KEL: variants seen among roughly 807,000 people sequenced by gnomAD.
KEL encodes Kell metallo-endopeptidase (Kell blood group).
In KEL, 96 loss-of-function variants were observed where a neutral mutation model predicts 99.5. That is an observed-to-expected ratio of 0.97 (90% CI 0.82 to 1.14). The LOEUF (loss-of-function observed/expected upper bound fraction) is 1.14. Ranked by LOEUF, KEL falls within the 50% of genes most tolerant of loss-of-function variation. The pLI, the probability that KEL is intolerant of heterozygous loss-of-function variation, is 0.00. For synonymous variants in KEL, 355 were observed against 354.8 expected, an observed-to-expected ratio of 1.00 and a Z score of -0.01; for missense variants, 926 against 924.2, an observed-to-expected ratio of 1.00 and a Z score of -0.03.
intron 6 of KEL, among the ~76,000 whole-genome samples, chr7:142,956,759 G>A (rs749522673): frequency 3.3e-5 from 5 of 152,056 alleles, no homozygotes; most frequent in Admixed American, 6.5e-5. Flanking sequence ...GATCTTAACC[G>A]GCCCCTAAAG....
At chr7:142,943,184 CTCAAATAACCTCCCTT>C in intron 16 of KEL, 76 bp downstream of exon 16, 1 of 1,558,520 alleles carries the variant, frequency 6.4e-7, no homozygotes, top group East Asian at 2.3e-5. Context: ...ACCTCAAACC[CTCAAATAACCTCCCTT>C]TCCCCTCCAG....
chr7:142,961,076 A>G lies in KEL; in HGVS notation c.252T>C (p.Asp84=). 6.2e-7 allele frequency: 1 copy of G among 1,614,098 alleles called. No homozygotes were observed. The highest frequency in any genetic ancestry group is 8.5e-7 in the Non-Finnish European group (1 of 1,180,050). The change falls in exon 4 of 19, where the codon GAT becomes GAC. Residue 84 remains aspartate, a synonymous_variant. Transcript: ENST00000355265. The stretch of plus-strand genomic sequence containing the variant: ...CAGAGGCCAGGTAATGATCCCGGAG[A>G]TCCAAACACACAGATGTCTCACAGG... ...PRPCETSVCL[D]LRDHYLASGN...
chr7:142,962,310 T>C lies in KEL; in HGVS notation c.-104A>G. The C allele has an allele frequency of 7.6e-7, 1 of 1,317,916 alleles. No individual in the cohort carries two copies. The highest frequency in any genetic ancestry group is 1.1e-6 in the Non-Finnish European group (1 of 911,342). 81.6% of individuals were successfully genotyped at this position (1,317,916 alleles called of 1,614,324 possible). ...ACCCCCCGCCCCAGTTCCTTGATCC[T>C]GGAGAAGGGGCACTTCTGCTGCTCT... On this transcript the variant is annotated 5_prime_UTR_variant, in exon 1 of 19. Coordinates refer to ENST00000355265, the MANE Select transcript of KEL (RefSeq NM_000420.3).
intron 10 of KEL, chr7:142,946,663 G>C: frequency 2.8e-6 from 1 of 359,118 alleles, no homozygotes; most frequent in South Asian, 3.4e-5. Flanking sequence ...TGTTCCCCCT[G>C]TTCCCCCACC....
chr7:142,949,735 C>CT (rs8176007), intron 10 of KEL, among the ~76,000 whole-genome samples: 7,002 of 152,238 alleles, frequency 0.046, 314 homozygotes, highest in African/African-American at 0.12. Context: ...TAACAGTAGT[C>CT]TGGACGAAGA....
At chr7:142,949,677 T>C (rs1796626012) in intron 10 of KEL, among the ~76,000 whole-genome samples, 1 of 152,236 alleles carries the variant, frequency 6.6e-6, no homozygotes, top group African/African-American at 2.4e-5. Context: ...TAAATCCATA[T>C]CTAGGTCTTC....
At chr7:142,961,559 G>A (rs1796960647) in intron 2 of KEL, 58 bp from the exon 3 acceptor site, 3 of 1,531,782 alleles carry the variant, frequency 2.0e-6, no homozygotes, top group South Asian at 1.2e-5. Flanking sequence ...ACAGGGATGG[G>A]AAGAAGAGGA....
chr7:142,958,053 T>C (rs1313949768), intron 5 of KEL, 80 bp from the exon 6 acceptor site: 3 of 1,528,452 alleles, frequency 2.0e-6, no homozygotes, highest in Non-Finnish European at 2.7e-6. Flanking sequence ...CTTACACAGC[T>C]GCTACTGCCT....
chr7:142,961,598 C>T, intron 2 of KEL, 97 bp from the exon 3 acceptor site: 1 of 1,418,084 alleles, frequency 7.1e-7, no homozygotes, highest in South Asian at 1.2e-5. Context: ...GTGCTACAGT[C>T]CCTTTATACA....
At position 142,962,245 on chromosome 7, in the gene KEL, C is replaced by T; in HGVS notation, c.-39G>A. 5 of 1,613,868 alleles carry T rather than the reference C, an allele frequency of 3.1e-6. No homozygotes were observed. The African/African-American group carries it at 4.0e-5, about 13-fold the overall frequency. ...GTGGCTCCAGAATCCTTCCTGGTTC[C>T]ACTCTAGGAGCTGATTCGGAGGACT... On this transcript the variant is annotated 5_prime_UTR_variant, in exon 1 of 19. Coordinates refer to ENST00000355265, the MANE Select transcript of KEL (RefSeq NM_000420.3).
chr7:142,954,444 T>A, intron 7 of KEL, 21 bp downstream of exon 7: 1 of 1,612,136 alleles, frequency 6.2e-7, no homozygotes, highest in Non-Finnish European at 8.5e-7. Context: ...GGGCAGGGCC[T>A]TTGTCCATGT....
At chr7:142,959,630 G>A (rs1322704204) in intron 4 of KEL, among the ~76,000 whole-genome samples, 2 of 152,050 alleles carry the variant, frequency 1.3e-5, no homozygotes, top group Non-Finnish European at 2.9e-5. Context: ...AGAAACAGGG[G>A]AAGACTCTTC....
At position 142,957,956 on chromosome 7, in the gene KEL, G is replaced by T. The variant is rs1341559834; in HGVS notation, c.543C>A (p.Ile181=). ...QVIEELGGWR[I]SGKWTSLNFN... is the part of the protein sequence containing the mutation. ...AGTTTAAGGAAGTCCATTTACCAGA[G>T]ATGCGCCAGCCTCCAAGCTTTAAAG... Residue 181 remains isoleucine (I), a synonymous_variant, in exon 6 of 19, where the codon ATC becomes ATA. Coordinates refer to ENST00000355265, the MANE Select transcript of KEL (RefSeq NM_000420.3). 6.2e-7 allele frequency: 1 copy of T among 1,614,106 alleles called. No individual in the cohort carries two copies. Among genetic ancestry groups the T allele is most frequent in the South Asian group, 1.1e-5 (1 of 91,068 alleles).
Position 142,943,041 on chromosome 7 carries a change from A to G in KEL, c.1775T>C (p.Leu592Pro). The change falls in exon 17 of 19, where the codon CTG becomes CCG. Residue 592 changes from leucine to proline, a missense_variant. Leu to Pro is a moderately conservative substitution (Grantham distance 98). Coordinates refer to ENST00000355265, the MANE Select transcript of KEL (RefSeq NM_000420.3). ...GTCACAGGCGAGGCAGCCCCCAGGC[A>G]GTACTGTTGAAAATGGGACAAGAGA... is the stretch of plus-strand genomic sequence containing the variant. ...ELLHIFYQLL[L>P]PGGCLACDNH... The G allele has an allele frequency of 6.2e-7, 1 of 1,614,016 alleles. No individual in the cohort carries two copies.
In KEL at chr7:142,961,063, A is replaced by C. The variant is rs771708470; in HGVS notation, c.265T>G (p.Tyr89Asp). ...ACACTTGTGTTCCCAGAGGCCAGGTAATGATCCCGGAGATCCAAACACACA... is the reference window on the plus strand; with the variant it reads ...ACACTTGTGTTCCCAGAGGCCAGGTCATGATCCCGGAGATCCAAACACACA... Reference protein sequence around the residue: ...TSVCLDLRDHYLASGNTSVAP... With the variant: ...TSVCLDLRDHDLASGNTSVAP... Residue 89 changes from tyrosine (Y) to aspartate (D), a missense_variant, in exon 4 of 19, where the codon TAC becomes GAC. Transcript: ENST00000355265. 1.2e-6 allele frequency: 2 copies of C among 1,614,198 alleles called. No individual in the cohort carries two copies. The highest frequency in any genetic ancestry group is 4.5e-5 in the East Asian group (2 of 44,876).
intron 3 of KEL, 27 bp from the exon 4 acceptor site, chr7:142,961,131 A>C: frequency 1.9e-6 from 3 of 1,612,264 alleles, no homozygotes; most frequent in Non-Finnish European, 2.5e-6. Flanking sequence ...AGAGCTGGGA[A>C]AGAAGAGGCA....
rs1796400034 is a variant in KEL, at chr7:142,942,858, C to T, written c.1941+17G>A. ...TCTGCCAGTACACATAAACTGTGGC[C>T]CTTGACACTTGCATACCTGCAGCGC... On this transcript the variant is annotated intron_variant, in intron 17 of 18. Coordinates refer to ENST00000355265, the MANE Select transcript of KEL (RefSeq NM_000420.3). The T allele has an allele frequency of 3.1e-6, 5 of 1,614,008 alleles. No individual in the cohort carries two copies. The highest frequency in any genetic ancestry group is 4.2e-6 in the Non-Finnish European group (5 of 1,179,930).
rs780224993 is a variant in KEL, at chr7:142,962,194, G to C, written c.3+10C>G. 3.7e-6 allele frequency: 6 copies of C among 1,613,990 alleles called. No homozygotes were observed. The highest frequency in any genetic ancestry group is 1.3e-5 in the African/African-American group (1 of 74,894). On this transcript the variant is annotated intron_variant, in intron 1 of 18. Transcript: ENST00000355265. Reference sequence around the variant, plus strand: ...CCCCGCTAAGCCTCTGACTCCAAAAGGGGACTTACCATCTGTCTATCTTCT... The same window carrying C: ...CCCCGCTAAGCCTCTGACTCCAAAACGGGACTTACCATCTGTCTATCTTCT...
At position 142,961,822 on chromosome 7, in the gene KEL, A is replaced by G. The variant is rs779593644; in HGVS notation, c.54T>C (p.Gly18=). The change falls in exon 2 of 19, where the codon GGT becomes GGC. Residue 18 remains glycine, a synonymous_variant. Transcript: ENST00000355265. ...CTTGGCTCCAGAGAGTTCCCATTCC[A>G]CCTGCCTGGCTGCGTTCCCTCGGCT... ...EEEPRERSQA[G]GMGTLWSQES... The G allele has an allele frequency of 1.9e-6, 3 of 1,613,896 alleles. No homozygotes were observed. The Middle Eastern group carries it at 5.0e-4, about 266-fold the overall frequency.
Sources: gnomAD v4.1 joint callset for allele counts (sites outside exome capture counted in the v4.1 genomes callset) on GRCh38, gnomAD v4.1.1 for gene constraint, MANE v1.5 for transcripts, NCBI Gene and HGNC (gene_info 2026-07-23, HGNC 2026-07-21) for gene names.